ATL2: variants seen among roughly 807,000 people sequenced by gnomAD.
The protein encoded by ATL2 is atlastin-2.
In ATL2, 31 loss-of-function variants were observed where a neutral mutation model predicts 73.9. The ratio of observed to expected loss-of-function variants is 0.42; its 90% confidence interval spans 0.32 to 0.57. The LOEUF (loss-of-function observed/expected upper bound fraction) is 0.57. ATL2 is among the 20% of genes least tolerant of loss of function. The probability of loss-of-function intolerance (pLI) is 0.14; values close to 1 mark genes in which losing one functional copy is unlikely to be tolerated. For synonymous variants in ATL2, 291 were observed against 237.5 expected (o/e 1.23, Z -2.07); for missense variants, 738 against 702.6 (o/e 1.05, Z -0.57).
chr2:38,331,971 A>C (rs562207990), intron 2 of ATL2, among the ~76,000 whole-genome samples: 18 of 152,224 alleles, frequency 1.2e-4, no homozygotes, highest in African/African-American at 4.1e-4. Context: ...GTATATCCAC[A>C]CAAGAGAATA....
chr2:38,329,076 G>A (rs949714264), intron 2 of ATL2, among the ~76,000 whole-genome samples: 1 of 145,290 alleles, frequency 6.9e-6, no homozygotes, highest in African/African-American at 2.6e-5. Context: ...GCAATTCTTG[G>A]AAAGAAACAA....
intron 9 of ATL2, among the ~76,000 whole-genome samples, chr2:38,301,057 G>A (rs967767617): frequency 6.7e-6 from 1 of 149,874 alleles, no homozygotes; most frequent in Admixed American, 6.6e-5. Flanking sequence ...CACAACCTCC[G>A]CCTCCTGGGT....
intron 1 of ATL2, chr2:38,376,009 C>G (rs901354245): frequency 1.6e-5 from 20 of 1,289,256 alleles, no homozygotes; most frequent in Non-Finnish European, 2.0e-5. Flanking sequence ...TACCAAAATG[C>G]TTTACATTTT....
intron 2 of ATL2, among the ~76,000 whole-genome samples, chr2:38,330,213 A>AT (rs1668904893): frequency 6.8e-6 from 1 of 146,876 alleles, no homozygotes; most frequent in African/African-American, 2.6e-5. Context: ...TTCATTCAGG[A>AT]TTTAAAAAAA....
At chr2:38,357,934 TG>T (rs1265830957) in intron 1 of ATL2, among the ~76,000 whole-genome samples, 2 of 152,172 alleles carry the variant, frequency 1.3e-5, no homozygotes, top group African/African-American at 2.4e-5. Context: ...AACCACTGTT[TG>T]GGGGGAAATC....
At chr2:38,313,315 C>A (rs1349095601) in intron 6 of ATL2, 72 bp from the exon 7 acceptor site, 7 of 1,047,288 alleles carry the variant, frequency 6.7e-6, no homozygotes, top group Non-Finnish European at 8.3e-6. Context: ...CAACTCTTAA[C>A]AATTGAAGCC....
chr2:38,296,228 G>A, intron 12 of ATL2, 115 bp from the exon 13 acceptor site: 2 of 1,421,850 alleles, frequency 1.4e-6, no homozygotes, highest in Non-Finnish European at 1.8e-6. Flanking sequence ...CCAGGAATAT[G>A]GGAAATAAAA....
intron 9 of ATL2, among the ~76,000 whole-genome samples, chr2:38,301,474 T>G (rs1667188531): frequency 6.6e-6 from 1 of 152,226 alleles, no homozygotes; most frequent in African/African-American, 2.4e-5. Context: ...AAAGAGGCAC[T>G]GAAGAGGATG....
At chr2:38,346,357 T>C (rs1489389540) in intron 1 of ATL2, among the ~76,000 whole-genome samples, 1 of 152,092 alleles carries the variant, frequency 6.6e-6, no homozygotes. Context: ...ACATGTAAAG[T>C]TGACCAGGTT....
intron 11 of ATL2, 97 bp from the exon 12 acceptor site, chr2:38,298,672 T>C: frequency 7.9e-7 from 1 of 1,264,138 alleles, no homozygotes; most frequent in East Asian, 2.3e-5. Flanking sequence ...TCAAACCACT[T>C]ACATGATTGA....
intron 6 of ATL2, 82 bp from the exon 7 acceptor site, chr2:38,313,325 C>CA: frequency 2.2e-6 from 2 of 918,160 alleles, no homozygotes; most frequent in Non-Finnish European, 3.3e-6. Context: ...CAATTGAAGC[C>CA]TCTCTTACTC....
At chr2:38,316,771 C>A (rs1210034003) in intron 4 of ATL2, among the ~76,000 whole-genome samples, 1 of 152,006 alleles carries the variant, frequency 6.6e-6, no homozygotes, top group Non-Finnish European at 1.5e-5. Context: ...TGTCTAAAAC[C>A]AGGTCTCTTA....
intron 9 of ATL2, among the ~76,000 whole-genome samples, chr2:38,306,930 T>C (rs984292187): frequency 2.6e-5 from 4 of 152,198 alleles, no homozygotes; most frequent in Middle Eastern, 3.2e-3. Flanking sequence ...GTGGCTTCAA[T>C]AAATGGTGCT....
chr2:38,342,100 T>G lies in ATL2; in HGVS notation c.363+1168A>C, dbSNP rs559666816. 2.0e-5 allele frequency among the ~76,000 whole-genome samples: 3 copies of G among 151,776 alleles called. No homozygotes were observed. The South Asian group carries it at 6.3e-4, about 32-fold the overall frequency. On this transcript the variant is annotated intron_variant, in intron 2 of 12. Coordinates refer to ENST00000378954, the MANE Select transcript of ATL2 (RefSeq NM_001135673.4). The stretch of plus-strand genomic sequence containing the variant: ...GCAATTATCAGAAAAACATTCCAAC[T>G]CGAGTGAAAAAATTTTTTTTGCTTT...
chr2:38,303,989 C>T (rs1004615079), intron 9 of ATL2, among the ~76,000 whole-genome samples: 1 of 152,022 alleles, frequency 6.6e-6, no homozygotes, highest in Non-Finnish European at 1.5e-5. Flanking sequence ...ACAGGCCAGG[C>T]ACGGTGGCTC....
At chr2:38,366,299 A>C (rs1008826920) in intron 1 of ATL2, among the ~76,000 whole-genome samples, 3 of 152,146 alleles carry the variant, frequency 2.0e-5, no homozygotes, top group African/African-American at 7.2e-5. Context: ...TTTTCCAGGA[A>C]TTATCCAGTT....
At position 38,310,295 on chromosome 2, in the gene ATL2, A is replaced by T; in HGVS notation, c.943+14T>A. 1 of 1,608,776 alleles carries T rather than the reference A, an allele frequency of 6.2e-7. No homozygotes were observed. On this transcript the variant is annotated intron_variant, in intron 8 of 12. Transcript: ENST00000378954. ...TAAATAAGTTCAGATTTTAGCAAGA[A>T]TGGGAATTCCCACCTTTCAATCTCC...
At chr2:38,326,996 A>C (rs963303501) in intron 2 of ATL2, among the ~76,000 whole-genome samples, 3 of 151,844 alleles carry the variant, frequency 2.0e-5, no homozygotes, top group African/African-American at 7.3e-5. Flanking sequence ...TCAAAAAACA[A>C]AGCAAAACAA....
chr2:38,372,964 TATATA>T (rs1415242790), intron 1 of ATL2, among the ~76,000 whole-genome samples: 1 of 152,198 alleles, frequency 6.6e-6, no homozygotes, highest in African/African-American at 2.4e-5. Flanking sequence ...ATATACACAT[TATATA>T]TAATAGCATA....
Sources: gnomAD v4.1 joint callset for allele counts (sites outside exome capture counted in the v4.1 genomes callset) on GRCh38, gnomAD v4.1.1 for gene constraint, MANE v1.5 for transcripts, NCBI Gene and HGNC (gene_info 2026-07-23, HGNC 2026-07-21) for gene names.